The following SLC35D4 variants were observed in gnomAD, a reference collection of about 807,000 sequenced individuals.
SLC35D4 encodes the protein solute carrier family 35 member D4.
the SLC35D4 span, among the ~76,000 whole-genome samples, chr18:23,239,341 A>G: frequency 6.6e-6 from 1 of 152,182 alleles, no homozygotes; most frequent in African/African-American, 2.4e-5. Context: ...CATGGACTGC[A>G]TTTTCCTGGT....
At chr18:23,246,841 C>T in the SLC35D4 span, among the ~76,000 whole-genome samples, 18 of 150,388 alleles carry the variant, frequency 1.2e-4, no homozygotes, top group Non-Finnish European at 5.9e-5. Flanking sequence ...TATAGGCATG[C>T]ACCACCACGC....
At chr18:23,434,057 C>T in the SLC35D4 span, among the ~76,000 whole-genome samples, 1 of 152,108 alleles carries the variant, frequency 6.6e-6, no homozygotes, top group Admixed American at 6.6e-5. Context: ...TAGTCCAAGC[C>T]GACCCACCCA....
chr18:23,399,416 T>A, the SLC35D4 span: 1 of 662,240 alleles, frequency 1.5e-6, no homozygotes, highest in Non-Finnish European at 2.5e-6. Context: ...TGTTATCTGA[T>A]TATCTTCAAC....
chr18:23,332,202 T>C, the SLC35D4 span, among the ~76,000 whole-genome samples: 2 of 151,848 alleles, frequency 1.3e-5, no homozygotes, highest in East Asian at 1.9e-4. Context: ...GCCTTGAACA[T>C]GTATTTTTTT....
At chr18:23,364,982 C>T in the SLC35D4 span, among the ~76,000 whole-genome samples, 2 of 135,738 alleles carry the variant, frequency 1.5e-5, no homozygotes, top group Non-Finnish European at 3.1e-5. Flanking sequence ...ACATATGATA[C>T]AAACTTTAAA....
At chr18:23,311,811 G>A in the SLC35D4 span, among the ~76,000 whole-genome samples, 1 of 151,628 alleles carries the variant, frequency 6.6e-6, no homozygotes, top group Non-Finnish European at 1.5e-5. Flanking sequence ...TTCCTTTTTT[G>A]TAATGTTTCT....
the SLC35D4 span, chr18:23,331,076 A>T: frequency 6.6e-6 from 1 of 152,266 alleles, no homozygotes; most frequent in Non-Finnish European, 1.5e-5. Context: ...AGGAGCGTTC[A>T]GCGAGAGGCA....
chr18:23,283,437 G>C, the SLC35D4 span, among the ~76,000 whole-genome samples: 6 of 132,976 alleles, frequency 4.5e-5, no homozygotes, highest in African/African-American at 1.8e-4. Context: ...CTGCACCACT[G>C]CTCCAGCCTG....
chr18:23,384,793 C>T, the SLC35D4 span, among the ~76,000 whole-genome samples: 6 of 152,172 alleles, frequency 3.9e-5, no homozygotes, highest in Admixed American at 3.3e-4. Flanking sequence ...TTCATATCAA[C>T]AATATTCCCA....
the SLC35D4 span, among the ~76,000 whole-genome samples, chr18:23,393,919 C>A: frequency 6.6e-6 from 1 of 152,098 alleles, no homozygotes; most frequent in South Asian, 2.1e-4. Context: ...GTGCCCAGCC[C>A]CATTGTTTGT....
At chr18:23,253,621 C>T in the SLC35D4 span, 1 of 909,808 alleles carries the variant, frequency 1.1e-6, no homozygotes, top group East Asian at 2.6e-5. Context: ...GTCCAGATCA[C>T]CCTCTGGGAA....
At chr18:23,361,426 C>T in the SLC35D4 span, among the ~76,000 whole-genome samples, 2 of 152,156 alleles carry the variant, frequency 1.3e-5, no homozygotes, top group African/African-American at 4.8e-5. Context: ...AATGAATCGG[C>T]AGGAATTGGA....
chr18:23,267,320 G>T, the SLC35D4 span, among the ~76,000 whole-genome samples: 1 of 152,074 alleles, frequency 6.6e-6, no homozygotes, highest in Non-Finnish European at 1.5e-5. Flanking sequence ...GAATTTCAGG[G>T]TGTCTATGAC....
the SLC35D4 span, among the ~76,000 whole-genome samples, chr18:23,317,513 C>G: frequency 2.6e-5 from 4 of 152,074 alleles, no homozygotes; most frequent in Non-Finnish European, 4.4e-5. Context: ...TTTTTTTGTG[C>G]AAATATGGAA....
chr18:23,297,802 TC>T, the SLC35D4 span: 1 of 561,070 alleles, frequency 1.8e-6, no homozygotes, highest in East Asian at 3.2e-5. Context: ...GAAAGGGTGC[TC>T]CTTGAAGCAC....
the SLC35D4 span, among the ~76,000 whole-genome samples, chr18:23,266,119 C>T: frequency 2.0e-5 from 3 of 152,072 alleles, no homozygotes; most frequent in African/African-American, 7.2e-5. Context: ...GAAAAATATG[C>T]AGCCGGAAGG....
chr18:23,383,066 A>G, the SLC35D4 span, among the ~76,000 whole-genome samples: 5 of 152,270 alleles, frequency 3.3e-5, no homozygotes, highest in Middle Eastern at 3.4e-3. Flanking sequence ...TGGGGCTACC[A>G]AGTGAGAAGC....
chr18:23,399,674 C>T, the SLC35D4 span: 2 of 1,610,336 alleles, frequency 1.2e-6, no homozygotes, highest in Admixed American at 3.3e-5. Context: ...AAAGCAATAA[C>T]ACTTTTGCCA....
At chr18:23,408,166 C>T in the SLC35D4 span, among the ~76,000 whole-genome samples, 31 of 152,154 alleles carry the variant, frequency 2.0e-4, 1 homozygote, top group Admixed American at 1.6e-3. Flanking sequence ...CACACACACA[C>T]ACACACACAC....
Sources: gnomAD v4.1 joint callset for allele counts (sites outside exome capture counted in the v4.1 genomes callset) on GRCh38, gnomAD v4.1.1 for gene constraint, MANE v1.5 for transcripts, NCBI Gene and HGNC (gene_info 2026-07-23, HGNC 2026-07-21) for gene names.